Variants in DIP2C observed in about 807,000 individuals in gnomAD.
DIP2C encodes the protein DIP2 acetate--CoA ligase C (putative), also known as disco-interacting protein 2 homolog C.
A neutral mutation model predicts 192.4 loss-of-function variants in DIP2C; 33 were observed. The observed-to-expected ratio is 0.17, with a 90% CI of 0.13 to 0.23. The LOEUF is 0.23. Among genes scored for constraint, DIP2C ranks in the 10% least tolerant of loss-of-function variants. The pLI, the probability that DIP2C is intolerant of heterozygous loss-of-function variation, is 1.00. For missense variants in DIP2C, 1,537 were observed against 2,110.1 expected, an observed-to-expected ratio of 0.73 and a Z score of 5.32; for synonymous variants, 979 against 864.1, an observed-to-expected ratio of 1.13 and a Z score of -2.33.
At chr10:573,414 C>T (rs1849945457) in intron 1 of DIP2C, among the ~76,000 whole-genome samples, 2 of 152,234 alleles carry the variant, frequency 1.3e-5, no homozygotes, top group South Asian at 2.1e-4. Context: ...ATGTTATTAT[C>T]GTTGCTGTTT....
chr10:603,333 A>C (rs1046730015), intron 1 of DIP2C, among the ~76,000 whole-genome samples: 4 of 121,136 alleles, frequency 3.3e-5, no homozygotes, highest in Non-Finnish European at 6.6e-5. Context: ...AAAAAAAAAA[A>C]CCAACCATGA....
intron 31 of DIP2C, among the ~76,000 whole-genome samples, chr10:320,461 T>C (rs1333424183): frequency 1.4e-5 from 2 of 147,216 alleles, no homozygotes; most frequent in Non-Finnish European, 3.0e-5. Flanking sequence ...TGAGCCGAGA[T>C]CATGCCATTA....
intron 1 of DIP2C, among the ~76,000 whole-genome samples, chr10:593,961 T>C (rs1330295727): frequency 1.3e-5 from 2 of 152,176 alleles, no homozygotes; most frequent in African/African-American, 4.8e-5. Flanking sequence ...CAGCACACTT[T>C]ATCATGAATG....
intron 17 of DIP2C, 108 bp from the exon 18 acceptor site, chr10:369,741 C>A (rs1352494027): frequency 1.3e-6 from 2 of 1,571,658 alleles, no homozygotes; most frequent in African/African-American, 1.3e-5. Flanking sequence ...GGGCACAGTG[C>A]TGGCACCCCA....
At position 651,255 on chromosome 10, in the gene DIP2C, G is replaced by C. The variant is rs116202578; in HGVS notation, c.85+38239C>G. 291 of 715,508 alleles carry C rather than the reference G, an allele frequency of 4.1e-4. No homozygotes were observed. The African/African-American group carries it at 4.6e-3, about 11-fold the overall frequency. The allele number at this position is 715,508 out of a possible 1,614,324, so 44.3% of individuals were successfully genotyped here. On this transcript the variant is annotated intron_variant, in intron 1 of 36. Coordinates refer to ENST00000280886, the MANE Select transcript of DIP2C (RefSeq NM_014974.3). The surrounding 1 kb of genome is among the most constrained non-coding windows in gnomAD (Gnocchi z 4.1). The stretch of plus-strand genomic sequence containing the variant: ...ATGATGGCGTCACAGCGTGGGTTCC[G>C]GTCACCAGTCGGCCTCCCCCACCAA...
chr10:486,534 C>T lies in DIP2C; in HGVS notation c.86-4G>A. ...TATCCTTTTTGTGTGATGTCACCTG[C>T]AAGAGAAGGAAAATGAAGTTCAGTA... is the stretch of plus-strand genomic sequence containing the variant. On this transcript the variant is annotated splice_region_variant and splice_polypyrimidine_tract_variant and intron_variant, in intron 1 of 36. Coordinates refer to ENST00000280886, the MANE Select transcript of DIP2C (RefSeq NM_014974.3). 1 of 1,602,706 alleles carries T rather than the reference C, an allele frequency of 6.2e-7. No individual in the cohort carries two copies. The highest frequency in any genetic ancestry group is 8.5e-7 in the Non-Finnish European group (1 of 1,175,048).
intron 1 of DIP2C, among the ~76,000 whole-genome samples, chr10:653,179 T>C (rs1210065759): frequency 6.6e-6 from 1 of 151,442 alleles, no homozygotes; most frequent in Admixed American, 6.6e-5. Context: ...CCAGGCACAG[T>C]GGCTCATGCC....
At chr10:613,012 C>T (rs1853206935) in intron 1 of DIP2C, among the ~76,000 whole-genome samples, 1 of 152,148 alleles carries the variant, frequency 6.6e-6, no homozygotes, top group African/African-American at 2.4e-5. Context: ...ACGTTCTTTC[C>T]TGCAGTTTTG....
chr10:348,491 A>G lies in DIP2C; in HGVS notation c.3231+150T>C, dbSNP rs1958629069. 9.0e-6 allele frequency: 11 copies of G among 1,228,158 alleles called. No homozygotes were observed. In the South Asian group the frequency reaches 1.2e-4, roughly 14 times the overall value. The allele number at this position is 1,228,158 out of a possible 1,614,324, so 76.1% of individuals were successfully genotyped here. A position where few individuals can be genotyped will look rare whatever the true frequency, so the allele number is the denominator to read the frequency against. Reference sequence around the variant, plus strand: ...TAGACCTAGACTCTAGGCTCCCTGCAGGTAGAGACCCTGTCCTGACCGTTT... The same window carrying G: ...TAGACCTAGACTCTAGGCTCCCTGCGGGTAGAGACCCTGTCCTGACCGTTT... On this transcript the variant is annotated intron_variant, in intron 26 of 36. Coordinates refer to ENST00000280886, the MANE Select transcript of DIP2C (RefSeq NM_014974.3).
chr10:591,571 A>G (rs1286115551), intron 1 of DIP2C, among the ~76,000 whole-genome samples: 1 of 152,214 alleles, frequency 6.6e-6, no homozygotes, highest in African/African-American at 2.4e-5. Context: ...AAAAATGCCA[A>G]TTTGCACAGA....
At chr10:529,077 G>A (rs931751567) in intron 1 of DIP2C, among the ~76,000 whole-genome samples, 5 of 152,138 alleles carry the variant, frequency 3.3e-5, no homozygotes, top group Non-Finnish European at 5.9e-5. Context: ...TGCCCAAGTC[G>A]AGTTAGACTC....
intron 1 of DIP2C, among the ~76,000 whole-genome samples, chr10:626,659 C>T (rs1854223552): frequency 6.6e-6 from 1 of 152,168 alleles, no homozygotes; most frequent in Non-Finnish European, 1.5e-5. Flanking sequence ...GGGACACACC[C>T]TGGGGAAATG....
intron 3 of DIP2C, among the ~76,000 whole-genome samples, chr10:458,455 T>G (rs900048134): frequency 1.3e-5 from 2 of 152,230 alleles, no homozygotes; most frequent in African/African-American, 2.4e-5. Flanking sequence ...GCAAGGAGGA[T>G]GCCCTCTACA....
intron 10 of DIP2C, among the ~76,000 whole-genome samples, chr10:391,523 TA>T (rs1441885896): frequency 1.3e-5 from 2 of 152,324 alleles, no homozygotes; most frequent in Admixed American, 1.3e-4. Context: ...TGAACAGACC[TA>T]CGCCAGTCGT....
At chr10:658,307 C>T (rs1306139947) in intron 1 of DIP2C, among the ~76,000 whole-genome samples, 7 of 149,306 alleles carry the variant, frequency 4.7e-5, no homozygotes, top group East Asian at 4.0e-4. Context: ...CTGGACCTGC[C>T]GCTGGACCTG....
At chr10:483,819 C>A (rs887708662) in intron 2 of DIP2C, among the ~76,000 whole-genome samples, 1 of 151,752 alleles carries the variant, frequency 6.6e-6, no homozygotes, top group Non-Finnish European at 1.5e-5. Flanking sequence ...CTTCATTTTA[C>A]CAATTTTTTT....
intron 3 of DIP2C, among the ~76,000 whole-genome samples, chr10:469,675 C>G (rs947425886): frequency 6.6e-6 from 1 of 152,120 alleles, no homozygotes; most frequent in African/African-American, 2.4e-5. Context: ...TTTGGACTCC[C>G]CCACTTTCAG....
Position 571,466 on chromosome 10 carries a change from A to AT in DIP2C, c.86-84937dup, listed in dbSNP as rs756702402. 7.4e-5 allele frequency among the ~76,000 whole-genome samples: 11 copies of AT among 149,242 alleles called. No individual in the cohort carries two copies. In the East Asian group the frequency reaches 1.4e-3, roughly 19 times the overall value. Reference sequence around the variant, plus strand: ...GCCCTCTCTCTTCCTCTCCTCCTGCATCCCCCCTCCTTCACTCCCATTCTC... The same window carrying AT: ...GCCCTCTCTCTTCCTCTCCTCCTGCATTCCCCCCTCCTTCACTCCCATTCTC... On this transcript the variant is annotated intron_variant, in intron 1 of 36. Coordinates refer to ENST00000280886, the MANE Select transcript of DIP2C (RefSeq NM_014974.3).
intron 29 of DIP2C, chr10:340,743 C>T (rs1301400172): frequency 1.3e-5 from 6 of 457,368 alleles, no homozygotes; most frequent in South Asian, 3.1e-5. Context: ...GGTAGAGTGC[C>T]GCACCCCAGG....
Sources: gnomAD v4.1 joint callset for allele counts (sites outside exome capture counted in the v4.1 genomes callset) on GRCh38, gnomAD v4.1.1 for gene constraint, Gnocchi (gnomAD v3.1) non-coding constraint, MANE v1.5 for transcripts, NCBI Gene and HGNC (gene_info 2026-07-23, HGNC 2026-07-21) for gene names.